SNTG2: variants seen among roughly 807,000 people sequenced by gnomAD.
SNTG2 encodes the protein syntrophin gamma 2, also known as gamma-2-syntrophin.
A neutral mutation model predicts 70.9 loss-of-function variants in SNTG2; 74 were observed. The observed-to-expected ratio is 1.04, with a 90% confidence interval of 0.86 to 1.27. The LOEUF (loss-of-function observed/expected upper bound fraction) is 1.27. Among genes scored for constraint, SNTG2 ranks in the 50% most tolerant of loss-of-function variants. The probability of loss-of-function intolerance (pLI) is 0.00; values close to 1 mark genes in which losing one functional copy is unlikely to be tolerated. For synonymous variants in SNTG2, 278 were observed against 273.8 expected (o/e 1.02, Z -0.15); for missense variants, 717 against 690.7 (o/e 1.04, Z -0.43).
chr2:1,044,889 GC>G (rs1005653708), intron 1 of SNTG2, among the ~76,000 whole-genome samples: 1 of 151,896 alleles, frequency 6.6e-6, no homozygotes, highest in African/African-American at 2.4e-5. Context: ...TTGGTATGAT[GC>G]TGGCTTCACA....
intron 1 of SNTG2, among the ~76,000 whole-genome samples, chr2:1,010,467 G>T (rs921175807): frequency 2.0e-5 from 3 of 152,150 alleles, no homozygotes; most frequent in African/African-American, 7.2e-5. Context: ...CTGTCCCTCT[G>T]GTCAAAATCA....
chr2:1,249,158 C>T (rs1188795226), intron 12 of SNTG2, among the ~76,000 whole-genome samples: 1 of 152,158 alleles, frequency 6.6e-6, no homozygotes, highest in Non-Finnish European at 1.5e-5. Context: ...CAACTGAAGG[C>T]CCCTCATTTT....
At chr2:1,304,583 G>A (rs577166306) in intron 14 of SNTG2, among the ~76,000 whole-genome samples, 8 of 151,992 alleles carry the variant, frequency 5.3e-5, no homozygotes, top group Admixed American at 1.3e-4. Flanking sequence ...AAAAATAGGC[G>A]GGCATGGTGG....
At chr2:1,138,606 A>G (rs1668552257) in intron 6 of SNTG2, among the ~76,000 whole-genome samples, 2 of 152,032 alleles carry the variant, frequency 1.3e-5, no homozygotes, top group Admixed American at 1.3e-4. Context: ...TGTGCTGATA[A>G]GTGACCTGGG....
chr2:967,751 A>G (rs6548287), intron 1 of SNTG2, among the ~76,000 whole-genome samples: 64,041 of 152,034 alleles, frequency 0.42, 14,078 homozygotes, highest in Middle Eastern at 0.52. Context: ...TTTTTGTGCC[A>G]GGCACGGTGG....
chr2:1,042,025 C>G (rs1661469002), intron 1 of SNTG2, among the ~76,000 whole-genome samples: 1 of 152,140 alleles, frequency 6.6e-6, no homozygotes, highest in African/African-American at 2.4e-5. Context: ...TTTACATACA[C>G]CATTATTTTA....
Position 966,896 on chromosome 2 carries a change from G to A in SNTG2, c.72+15828G>A, listed in dbSNP as rs527922214. Among the ~76,000 whole-genome samples, 27 of 152,186 alleles carry A rather than the reference G, an allele frequency of 1.8e-4. 1 individual carries two copies. Among genetic ancestry groups the A allele is most frequent in the African/African-American group, 4.8e-4 (20 of 41,496 alleles). ...TGGGAGGTGGGGGTTGCAGTGAGCC[G>A]AGATCGCGCCACTGCCCTCCAGCCT... On this transcript the variant is annotated intron_variant, in intron 1 of 16. Transcript: ENST00000308624.
intron 9 of SNTG2, among the ~76,000 whole-genome samples, chr2:1,237,283 A>G (rs1228047128): frequency 6.6e-6 from 1 of 152,222 alleles, no homozygotes. Flanking sequence ...ATAAAAGTGT[A>G]CATGACATTT....
At chr2:1,162,108 G>A (rs1377314388) in intron 6 of SNTG2, among the ~76,000 whole-genome samples, 4 of 150,454 alleles carry the variant, frequency 2.7e-5, no homozygotes, top group African/African-American at 9.7e-5. Flanking sequence ...TTGTTTTCAG[G>A]CTACTCTGCC....
intron 9 of SNTG2, among the ~76,000 whole-genome samples, chr2:1,216,101 C>T (rs1674373702): frequency 6.6e-6 from 1 of 152,172 alleles, no homozygotes; most frequent in Non-Finnish European, 1.5e-5. Flanking sequence ...AATGCTATTT[C>T]TAGTTCTAGA....
At chr2:1,367,247 T>C (rs1323441223) in intron 16 of SNTG2, 96 bp from the exon 17 acceptor site, 3 of 1,219,924 alleles carry the variant, frequency 2.5e-6, no homozygotes, top group East Asian at 5.4e-5. Flanking sequence ...TGGAGGGACT[T>C]TCTTGGAGTT....
Position 1,263,267 on chromosome 2 carries a change from A to G in SNTG2, c.1077+3826A>G. Among the ~76,000 whole-genome samples, 3 of 152,324 alleles carry G rather than the reference A, an allele frequency of 2.0e-5. No individual in the cohort carries two copies. The Middle Eastern group carries it at 0.01, about 518-fold the overall frequency. The stretch of plus-strand genomic sequence containing the variant: ...TTTTAAAATCTTACAACATATTTTA[A>G]GTAATTCTACTATAAATTTATACAG... On this transcript the variant is annotated intron_variant, in intron 13 of 16. Coordinates refer to ENST00000308624, the MANE Select transcript of SNTG2 (RefSeq NM_018968.4).
chr2:1,087,573 T>A (rs373834017), intron 2 of SNTG2, among the ~76,000 whole-genome samples: 1 of 152,130 alleles, frequency 6.6e-6, no homozygotes, highest in Admixed American at 6.5e-5. Flanking sequence ...CCTATATGTA[T>A]CTTTACAACT....
intron 15 of SNTG2, among the ~76,000 whole-genome samples, chr2:1,312,718 G>A (rs1275554052): frequency 6.6e-6 from 1 of 152,210 alleles, no homozygotes; most frequent in Admixed American, 6.5e-5. Context: ...TTATGATTCT[G>A]TATTTAGAGC....
At chr2:1,220,081 G>C (rs1463523447) in intron 9 of SNTG2, 1 of 152,250 alleles carries the variant, frequency 6.6e-6, no homozygotes, top group Non-Finnish European at 1.5e-5. Context: ...TGAGTTTTCT[G>C]GAATTCGTCC....
intron 12 of SNTG2, among the ~76,000 whole-genome samples, chr2:1,255,758 T>G (rs976162349): frequency 1.6e-4 from 24 of 147,986 alleles, no homozygotes; most frequent in African/African-American, 5.7e-4. Context: ...AATTTTGAGC[T>G]TTACATTAAT....
chr2:1,032,628 T>C (rs548029654), intron 1 of SNTG2, among the ~76,000 whole-genome samples: 1 of 152,334 alleles, frequency 6.6e-6, no homozygotes, highest in African/African-American at 2.4e-5. Context: ...AGTTTCCTCA[T>C]GTTTCTGAAT....
chr2:1,083,369 A>G, intron 1 of SNTG2, 149 bp from the exon 2 acceptor site: 1 of 603,742 alleles, frequency 1.7e-6, no homozygotes, highest in Non-Finnish European at 2.6e-6. Flanking sequence ...AATGAATCAA[A>G]TCCTTATCGG....
intron 16 of SNTG2, among the ~76,000 whole-genome samples, chr2:1,340,797 A>C (rs1191825641): frequency 6.6e-6 from 1 of 152,212 alleles, no homozygotes; most frequent in Non-Finnish European, 1.5e-5. Context: ...GTTATTAATA[A>C]TTCATTGAAT....
Sources: allele counts gnomAD v4.1 joint callset (sites outside exome capture counted in the v4.1 genomes callset), GRCh38; gene constraint gnomAD v4.1.1; transcripts MANE v1.5; gene names NCBI Gene and HGNC (gene_info 2026-07-23, HGNC 2026-07-21).